Variants in EYS observed in about 807,000 individuals in gnomAD.
EYS encodes the protein EGF-like photoreceptor maintenance factor.
In EYS, 250 loss-of-function variants were observed where a neutral mutation model predicts 282.1. The observed-to-expected ratio is 0.89, with a 90% CI of 0.80 to 0.98. The LOEUF (loss-of-function observed/expected upper bound fraction) is 0.98, where lower values mean the gene tolerates loss of function less well. Ranked by LOEUF, EYS falls within the 50% of genes least tolerant of loss-of-function variation. The pLI, the probability that EYS is intolerant of heterozygous loss-of-function variation, is 0.00. For synonymous variants in EYS, 1,355 were observed against 1,282.9 expected, an observed-to-expected ratio of 1.06 and a Z score of -1.20; for missense variants, 4,016 against 3,709.0, an observed-to-expected ratio of 1.08 and a Z score of -2.15.
rs1200184746 is a variant in EYS at position 65,405,271 on chromosome 6, C to A, written c.959G>T (p.Cys320Phe). 1.2e-6 allele frequency: 2 copies of A among 1,612,848 alleles called. No homozygotes were observed. The highest frequency in any genetic ancestry group is 1.7e-5 in the Admixed American group (1 of 59,914). ...PNSSSAYTYE[C>F]PKGSSSQNGE... is the part of the protein sequence containing the mutation. Reference sequence around the variant, plus strand: ...ATTTTGGCTGGAAGATCCTTTTGGGCATTCATAAGTATAAGCAGAACTGCT... The same window carrying A: ...ATTTTGGCTGGAAGATCCTTTTGGGAATTCATAAGTATAAGCAGAACTGCT... The change falls in exon 6 of 43, where the codon TGC (cysteine) becomes TTC (phenylalanine). Residue 320 changes from cysteine to phenylalanine, a missense_variant. Coordinates refer to ENST00000503581, the MANE Select transcript of EYS (RefSeq NM_001142800.2).
intron 31 of EYS, among the ~76,000 whole-genome samples, chr6:64,190,279 TTAAG>T (rs1467000624): frequency 2.0e-5 from 3 of 152,188 alleles, no homozygotes; most frequent in African/African-American, 4.8e-5. Context: ...CTTATGCACT[TTAAG>T]TAAGTACATT....
intron 14 of EYS, among the ~76,000 whole-genome samples, chr6:64,969,618 G>T (rs1002464540): frequency 1.3e-5 from 2 of 152,068 alleles, no homozygotes; most frequent in Non-Finnish European, 2.9e-5. Context: ...GACTGTAGAA[G>T]AAGCCACTTC....
chr6:64,830,932 C>T (rs1453131695), intron 19 of EYS, among the ~76,000 whole-genome samples: 1 of 151,928 alleles, frequency 6.6e-6, no homozygotes, highest in East Asian at 1.9e-4. Context: ...TCTGCCTTGC[C>T]CAAGTTTGGG....
chr6:64,822,323 T>C (rs1764922485), intron 20 of EYS, among the ~76,000 whole-genome samples: 1 of 152,026 alleles, frequency 6.6e-6, no homozygotes, highest in African/African-American at 2.4e-5. Context: ...TATCTCTCCA[T>C]AGAGCAAATA....
chr6:65,113,330 C>T (rs927312347), intron 12 of EYS, among the ~76,000 whole-genome samples: 7 of 151,814 alleles, frequency 4.6e-5, no homozygotes, highest in African/African-American at 1.7e-4. Context: ...GAGAAATTGA[C>T]AATCTATATG....
chr6:63,761,341 G>C (rs1268414465), intron 41 of EYS, among the ~76,000 whole-genome samples: 13 of 151,928 alleles, frequency 8.6e-5, no homozygotes, highest in Admixed American at 8.6e-4. Context: ...ATGTAAGCCA[G>C]ATACAAAACT....
rs192200158 is a variant in EYS at position 64,679,889 on chromosome 6, T to C, written c.3444-53644A>G. ...AGAACTCTTTTTATATCCTAGAGAT[T>C]AGCTCTTTGTCTTAAGTTACTTTCT... On this transcript the variant is annotated intron_variant, in intron 22 of 42. Transcript: ENST00000503581. Among the ~76,000 whole-genome samples, 385 of 152,300 alleles carry C rather than the reference T, an allele frequency of 2.5e-3. 1 individual carries two copies. The highest frequency in any genetic ancestry group is 4.0e-3 in the Non-Finnish European group (275 of 68,032).
intron 22 of EYS, among the ~76,000 whole-genome samples, chr6:64,804,660 T>C (rs1393105387): frequency 6.6e-6 from 1 of 152,164 alleles, no homozygotes; most frequent in Non-Finnish European, 1.5e-5. Flanking sequence ...TGGAATCTGA[T>C]GACATACTAA....
intron 5 of EYS, among the ~76,000 whole-genome samples, chr6:65,479,244 T>A (rs1279839154): frequency 1.9e-4 from 29 of 152,182 alleles, no homozygotes; most frequent in Admixed American, 1.9e-3. Context: ...AAGGAGACAT[T>A]TTGGCAAATA....
intron 1 of EYS, among the ~76,000 whole-genome samples, chr6:65,684,719 TTTAAGGGGTACATGG>T (rs1292620134): frequency 6.6e-6 from 1 of 151,898 alleles, no homozygotes; most frequent in Non-Finnish European, 1.5e-5. Flanking sequence ...TTATTTTAGG[TTTAAGGGGTACATGG>T]TTAGGTTTAT....
chr6:64,611,324 C>T (rs1402758332), intron 24 of EYS, among the ~76,000 whole-genome samples: 1 of 152,166 alleles, frequency 6.6e-6, no homozygotes, highest in South Asian at 2.1e-4. Flanking sequence ...AGATACCTTT[C>T]TAATCCTTAG....
rs546609719 is a variant in EYS, at chr6:64,404,831, G to T, written c.5928-15991C>A. On this transcript the variant is annotated intron_variant, in intron 28 of 42. Coordinates refer to ENST00000503581, the MANE Select transcript of EYS (RefSeq NM_001142800.2). ...GGCAGAGGGAACAGTATATACAAAA[G>T]TTCTTGGGGGCAGAACGTAAGAAGG... is the stretch of plus-strand genomic sequence containing the variant. 4.6e-5 allele frequency among the ~76,000 whole-genome samples: 7 copies of T among 152,214 alleles called. No homozygotes were observed. The East Asian group carries it at 1.4e-3, about 29-fold the overall frequency.
At chr6:65,451,170 G>A (rs4639312) in intron 5 of EYS, among the ~76,000 whole-genome samples, 28,130 of 151,904 alleles carry the variant, frequency 0.19, 3,246 homozygotes, top group Middle Eastern at 0.3. Flanking sequence ...TTAATAGAAA[G>A]ACAATGCATG....
At chr6:64,267,281 TAAAG>T (rs1172427404) in intron 30 of EYS, among the ~76,000 whole-genome samples, 1 of 152,106 alleles carries the variant, frequency 6.6e-6, no homozygotes, top group Non-Finnish European at 1.5e-5. Flanking sequence ...GCCAGTGTCA[TAAAG>T]AAAAGTAGTT....
rs76258077 is a variant in EYS at position 65,177,371 on chromosome 6, G to A, written c.2023+118492C>T. Among the ~76,000 whole-genome samples the A allele has an allele frequency of 4.7e-3, 715 of 151,690 alleles. 4 individuals carry two copies. Among genetic ancestry groups the A allele is most frequent in the African/African-American group, 0.015 (633 of 41,452 alleles). On this transcript the variant is annotated intron_variant, in intron 12 of 42. Coordinates refer to ENST00000503581, the MANE Select transcript of EYS (RefSeq NM_001142800.2). ...GGCATATACCCTCCGAAATAAAATG[G>A]GCATTATGTTAATATCTTTCTAATG...
chr6:64,356,261 G>T (rs528253662), intron 29 of EYS, among the ~76,000 whole-genome samples: 1 of 151,558 alleles, frequency 6.6e-6, no homozygotes, highest in East Asian at 2.0e-4. Flanking sequence ...GGGTGCATGA[G>T]ATGTTTTGAT....
intron 33 of EYS, among the ~76,000 whole-genome samples, chr6:64,021,058 C>A (rs1041190990): frequency 3.9e-5 from 6 of 151,938 alleles, no homozygotes; most frequent in African/African-American, 1.5e-4. Context: ...TCCTAAAAAT[C>A]TTTTCTACCC....
chr6:64,011,402 G>A (rs34088359), intron 33 of EYS, among the ~76,000 whole-genome samples: 104 of 151,996 alleles, frequency 6.8e-4, no homozygotes, highest in Non-Finnish European at 1.2e-3. Context: ...GTGAGAGGTA[G>A]GATGAAAAAA....
chr6:64,388,678 C>T lies in EYS; in HGVS notation c.6078+12G>A. 2 of 1,503,478 alleles carry T rather than the reference C, an allele frequency of 1.3e-6. No homozygotes were observed. The highest frequency in any genetic ancestry group is 1.3e-5 in the South Asian group (1 of 75,656). The allele number at this position is 1,503,478 out of a possible 1,614,324, so 93.1% of individuals were successfully genotyped here. On this transcript the variant is annotated intron_variant, in intron 29 of 42. Transcript: ENST00000503581. ...TTCAATAATTAATATTTTAAAACAT[C>T]TATAGAAATACCTGGATTTTCCCAT...
Sources: gnomAD v4.1 joint callset for allele counts (sites outside exome capture counted in the v4.1 genomes callset) on GRCh38, gnomAD v4.1.1 for gene constraint, MANE v1.5 for transcripts, NCBI Gene and HGNC (gene_info 2026-07-23, HGNC 2026-07-21) for gene names.